Variants in LRP1B observed in about 807,000 individuals in gnomAD.
The protein encoded by LRP1B is low-density lipoprotein receptor-related protein 1B.
Under a neutral mutation model 556.6 loss-of-function variants are expected in LRP1B, and 217 were observed. The ratio of observed to expected loss-of-function variants is 0.39; its 90% CI spans 0.35 to 0.44. The LOEUF (loss-of-function observed/expected upper bound fraction) is 0.44, where lower values mean the gene tolerates loss of function less well. Among genes scored for constraint, LRP1B ranks in the 20% least tolerant of loss-of-function variants. The pLI is 1.00. For missense variants in LRP1B, 5,053 were observed against 5,620.8 expected, an observed-to-expected ratio of 0.90 and a Z score of 3.23; for synonymous variants, 2,047 against 1,865.8, an observed-to-expected ratio of 1.10 and a Z score of -2.50.
At chr2:141,758,923 A>G (rs779503485) in intron 2 of LRP1B, among the ~76,000 whole-genome samples, 10 of 152,152 alleles carry the variant, frequency 6.6e-5, no homozygotes, top group African/African-American at 9.6e-5. Context: ...AAACCAAAGT[A>G]TATTTTCATG....
Position 140,601,612 on chromosome 2 carries a change from T to C in LRP1B, c.6827A>G (p.Tyr2276Cys). 1.9e-6 allele frequency: 3 copies of C among 1,600,552 alleles called. No individual in the cohort carries two copies. The highest frequency in any genetic ancestry group is 2.2e-5 in the East Asian group (1 of 44,728). ...GTACAGTGTATCCCAGGCTCTGTGA[T>C]AGGCAAGTCCTTCCACAGAACCCAC... ...ENVGSVEGLA[Y>C]HRAWDTLYWT... Residue 2276 changes from tyrosine to cysteine, a missense_variant, in exon 42 of 91, where the codon TAT (tyrosine) becomes TGT (cysteine). Physicochemically the swap from Tyr to Cys is radical, Grantham distance 194. This residue lies in a region of LRP1B where 3,619 missense variants were observed against 3,931.9 expected (regional missense o/e 0.92). Transcript: ENST00000389484.
At chr2:142,068,394 G>GA (rs1705186239) in intron 1 of LRP1B, among the ~76,000 whole-genome samples, 1 of 151,478 alleles carries the variant, frequency 6.6e-6, no homozygotes, top group Non-Finnish European at 1.5e-5. Flanking sequence ...GAGGATTATT[G>GA]AATCTGGAAT....
intron 55 of LRP1B, among the ~76,000 whole-genome samples, chr2:140,498,603 T>C (rs559394158): frequency 1.3e-3 from 198 of 151,910 alleles, no homozygotes; most frequent in Non-Finnish European, 2.4e-3. Flanking sequence ...TTTCCTGTCA[T>C]GGTCTGCTTA....
intron 7 of LRP1B, among the ~76,000 whole-genome samples, chr2:141,067,789 A>G (rs975709695): frequency 2.0e-5 from 3 of 152,008 alleles, no homozygotes; most frequent in Non-Finnish European, 2.9e-5. Flanking sequence ...AATAATCTCA[A>G]CTGCAAAGTA....
At chr2:140,988,579 C>G (rs941981665) in intron 17 of LRP1B, among the ~76,000 whole-genome samples, 1 of 152,026 alleles carries the variant, frequency 6.6e-6, no homozygotes, top group African/African-American at 2.4e-5. Flanking sequence ...TCAAGGAAAT[C>G]AAAAGTGCAG....
chr2:140,613,411 A>G (rs2105231000), intron 41 of LRP1B, among the ~76,000 whole-genome samples: 1 of 145,240 alleles, frequency 6.9e-6, no homozygotes, highest in Non-Finnish European at 1.5e-5. Context: ...ATAATTATAT[A>G]CATATAAATA....
intron 1 of LRP1B, among the ~76,000 whole-genome samples, chr2:142,073,025 G>A (rs1277617516): frequency 6.6e-6 from 1 of 152,008 alleles, no homozygotes; most frequent in Non-Finnish European, 1.5e-5. Flanking sequence ...GTTAATCACA[G>A]TCAGAAAGTG....
chr2:140,842,674 T>C (rs942329748), intron 29 of LRP1B, among the ~76,000 whole-genome samples: 2 of 152,142 alleles, frequency 1.3e-5, no homozygotes, highest in African/African-American at 4.8e-5. Flanking sequence ...TTATACATAT[T>C]TATTTCCCTC....
intron 2 of LRP1B, among the ~76,000 whole-genome samples, chr2:141,483,899 C>A (rs1467321721): frequency 6.7e-6 from 1 of 150,184 alleles, no homozygotes; most frequent in Non-Finnish European, 1.5e-5. Flanking sequence ...AAAATTTTCT[C>A]CCATTCTGTA....
intron 21 of LRP1B, among the ~76,000 whole-genome samples, chr2:140,918,344 A>G (rs1246594976): frequency 2.6e-5 from 4 of 151,994 alleles, no homozygotes; most frequent in Non-Finnish European, 5.9e-5. Flanking sequence ...GTATATATGT[A>G]TTGGTTTAAG....
At chr2:140,293,003 A>G (rs949378538) in intron 84 of LRP1B, among the ~76,000 whole-genome samples, 1 of 152,212 alleles carries the variant, frequency 6.6e-6, no homozygotes, top group Non-Finnish European at 1.5e-5. Context: ...AAGTAGGGAC[A>G]TTACTTAATG....
At chr2:141,874,468 A>G (rs1214329403) in intron 1 of LRP1B, among the ~76,000 whole-genome samples, 1 of 151,940 alleles carries the variant, frequency 6.6e-6, no homozygotes, top group Admixed American at 6.6e-5. Flanking sequence ...GTTCTACTCA[A>G]ATATGACTAA....
intron 41 of LRP1B, among the ~76,000 whole-genome samples, chr2:140,685,591 A>C (rs1686017864): frequency 1.3e-5 from 2 of 152,140 alleles, no homozygotes; most frequent in African/African-American, 2.4e-5. Context: ...TTTCACATAG[A>C]GGTTCATATT....
chr2:140,640,166 C>G (rs1025131758), intron 41 of LRP1B, among the ~76,000 whole-genome samples: 6 of 151,268 alleles, frequency 4.0e-5, no homozygotes, highest in Non-Finnish European at 8.8e-5. Context: ...CCTCGCCTGG[C>G]TAATTTTTTT....
chr2:141,496,163 A>G (rs1400393705), intron 2 of LRP1B, among the ~76,000 whole-genome samples: 1 of 151,832 alleles, frequency 6.6e-6, no homozygotes, highest in Non-Finnish European at 1.5e-5. Flanking sequence ...AAACAATTTC[A>G]CCATTTTGCT....
chr2:141,400,124 G>A (rs1690396095), intron 3 of LRP1B, among the ~76,000 whole-genome samples: 1 of 151,926 alleles, frequency 6.6e-6, no homozygotes, highest in Admixed American at 6.6e-5. Flanking sequence ...TGCATGCTGG[G>A]CGCATGCCAC....
chr2:140,239,236 T>C (rs991220854), intron 88 of LRP1B, among the ~76,000 whole-genome samples: 1 of 150,850 alleles, frequency 6.6e-6, no homozygotes, highest in Non-Finnish European at 1.5e-5. Context: ...AATATATACA[T>C]GGACCATTCC....
intron 3 of LRP1B, among the ~76,000 whole-genome samples, chr2:141,419,258 T>C (rs1233636118): frequency 6.6e-6 from 1 of 152,160 alleles, no homozygotes; most frequent in South Asian, 2.1e-4. Flanking sequence ...TTTTCTTTTC[T>C]TGTGATGCCT....
intron 3 of LRP1B, among the ~76,000 whole-genome samples, chr2:141,396,113 A>G (rs1341966460): frequency 6.6e-6 from 1 of 152,192 alleles, no homozygotes; most frequent in African/African-American, 2.4e-5. Flanking sequence ...ACATTTTTAC[A>G]TCCTTACATT....
Sources: allele counts gnomAD v4.1 joint callset (sites outside exome capture counted in the v4.1 genomes callset), GRCh38; gene constraint gnomAD v4.1.1; regional missense constraint gnomAD v4.1.1; transcripts MANE v1.5; gene names NCBI Gene and HGNC (gene_info 2026-07-23, HGNC 2026-07-21).